HEBP2: variants seen among roughly 807,000 people sequenced by gnomAD.
HEBP2 encodes the protein heme binding protein 2, also known as heme-binding protein 2.
In HEBP2, 27 loss-of-function variants were observed where a neutral mutation model predicts 23.1. The ratio of observed to expected loss-of-function variants is 1.17; its 90% confidence interval spans 0.86 to 1.61. The LOEUF is 1.61. Among genes scored for constraint, HEBP2 ranks in the 40% most tolerant of loss-of-function variants. The pLI is 0.00. For missense variants in HEBP2, 245 were observed against 253.8 expected, an observed-to-expected ratio of 0.97 and a Z score of 0.24; for synonymous variants, 99 against 95.1, an observed-to-expected ratio of 1.04 and a Z score of -0.24.
chr6:138,403,654 T>C (rs772463768), upstream of HEBP2: 58 of 431,756 alleles, frequency 1.3e-4, 1 homozygote, highest in Non-Finnish European at 2.2e-4. Flanking sequence ...GGAAAGGGGG[T>C]GCTGGGGAAC....
Position 138,413,283 on chromosome 6 carries a change from A to G in HEBP2, c.*205A>G. The G allele has an allele frequency of 1.9e-6, 1 of 518,598 alleles. No individual in the cohort carries two copies. Among genetic ancestry groups the G allele is most frequent in the South Asian group, 2.6e-5 (1 of 39,130 alleles). 32.1% of individuals were successfully genotyped at this position (518,598 alleles called of 1,614,324 possible). ...AGGACAGTAGTCTGTAAACATATAA[A>G]TCGGTCATAACTATCGTGGTCTTTA... On this transcript the variant is annotated 3_prime_UTR_variant, in exon 4 of 4. Transcript: ENST00000607197.
At chr6:138,411,510 T>C (rs1774744201) in intron 3 of HEBP2, among the ~76,000 whole-genome samples, 1 of 152,200 alleles carries the variant, frequency 6.6e-6, no homozygotes, top group Non-Finnish European at 1.5e-5. Context: ...AAACACTTGG[T>C]ATTTTTAGAT....
In HEBP2 at chr6:138,419,697, T is replaced by G. The variant is rs1429856862; in HGVS notation, c.*6619T>G. The G allele has an allele frequency of 2.0e-5, 3 of 152,180 alleles. No individual in the cohort carries two copies. Among genetic ancestry groups the G allele is most frequent in the Non-Finnish European group, 4.4e-5 (3 of 68,040 alleles). The allele number at this position is 152,180 out of a possible 1,614,324, so 9.4% of individuals were successfully genotyped here. A position where few individuals can be genotyped will look rare whatever the true frequency, so the allele number is the denominator to read the frequency against. ...GAATCAGAAAGCCTGTATGATGCTG[T>G]GTCTACAACAGGAATATATAGATTT... On this transcript the variant is annotated 3_prime_UTR_variant, in exon 4 of 4. Coordinates refer to ENST00000607197, the MANE Select transcript of HEBP2 (RefSeq NM_014320.3).
At chr6:138,404,716 A>G (rs920144288) in intron 1 of HEBP2, 119 bp downstream of exon 1, 2 of 588,720 alleles carry the variant, frequency 3.4e-6, no homozygotes, top group Admixed American at 4.3e-5. Context: ...CCCAGTCCCT[A>G]CCCACTATGC....
At position 138,404,495 on chromosome 6, in the gene HEBP2, C is replaced by T; in HGVS notation, c.-1C>T. On this transcript the variant is annotated 5_prime_UTR_variant, in exon 1 of 4. Coordinates refer to ENST00000607197, the MANE Select transcript of HEBP2 (RefSeq NM_014320.3). ...AGGCTCCCAGAGCGTCAGCGCCGCC[C>T]ATGGCCGAGCCGCTCCAGCCAGACC... The T allele has an allele frequency of 7.8e-7, 1 of 1,284,682 alleles. No homozygotes were observed. The allele number at this position is 1,284,682 out of a possible 1,614,324, so 79.6% of individuals were successfully genotyped here.
chr6:138,413,183 T>A lies in HEBP2; in HGVS notation c.*105T>A. ...CGTGTCTAGTGTCTTCTATTGAGAG[T>A]ACTACTATTAATTAAGCTTATTTCC... is the stretch of plus-strand genomic sequence containing the variant. On this transcript the variant is annotated 3_prime_UTR_variant, in exon 4 of 4. Coordinates refer to ENST00000607197, the MANE Select transcript of HEBP2 (RefSeq NM_014320.3). 1.2e-6 allele frequency: 1 copy of A among 810,488 alleles called. No individual in the cohort carries two copies. The highest frequency in any genetic ancestry group is 2.0e-6 in the Non-Finnish European group (1 of 500,770). The allele number at this position is 810,488 out of a possible 1,614,324, so 50.2% of individuals were successfully genotyped here.
At position 138,417,295 on chromosome 6, in the gene HEBP2, A is replaced by G. The variant is rs1483341459; in HGVS notation, c.*4217A>G. 1 of 152,078 alleles carries G rather than the reference A, an allele frequency of 6.6e-6. No individual in the cohort carries two copies. The highest frequency in any genetic ancestry group is 2.4e-5 in the African/African-American group (1 of 41,398). The allele number at this position is 152,078 out of a possible 1,614,324, so 9.4% of individuals were successfully genotyped here. Reference sequence around the variant, plus strand: ...GTTCCTTGACCTGTGGGGAAAGAGTATAAGCTTCTAAACTCCCTCTCCTCC... The same window carrying G: ...GTTCCTTGACCTGTGGGGAAAGAGTGTAAGCTTCTAAACTCCCTCTCCTCC... On this transcript the variant is annotated 3_prime_UTR_variant, in exon 4 of 4. Transcript: ENST00000607197.
intron 3 of HEBP2, among the ~76,000 whole-genome samples, chr6:138,407,355 G>GA (rs1260925647): frequency 6.6e-6 from 1 of 152,152 alleles, no homozygotes; most frequent in East Asian, 1.9e-4. Context: ...GAAGAAATGG[G>GA]AAAAAAGAAA....
At chr6:138,403,549 C>A, upstream of HEBP2, 1 of 480,660 alleles carries the variant, frequency 2.1e-6, no homozygotes, top group South Asian at 3.5e-5. Context: ...AGCCTCGGAG[C>A]TCTGGCTGCC....
At position 138,413,210 on chromosome 6, in the gene HEBP2, A is replaced by G. The variant is rs1228592313; in HGVS notation, c.*132A>G. On this transcript the variant is annotated 3_prime_UTR_variant, in exon 4 of 4. Transcript: ENST00000607197. The stretch of plus-strand genomic sequence containing the variant: ...CTACTATTAATTAAGCTTATTTCCA[A>G]TGTGCCTTTTTAATGCTTGAAGTTT... The G allele has an allele frequency of 4.3e-6, 3 of 692,824 alleles. No individual in the cohort carries two copies. Among genetic ancestry groups the G allele is most frequent in the Non-Finnish European group, 4.9e-6 (2 of 410,756 alleles). 42.9% of individuals were successfully genotyped at this position (692,824 alleles called of 1,614,324 possible).
chr6:138,405,431 A>C, intron 2 of HEBP2, 151 bp downstream of exon 2: 2 of 963,850 alleles, frequency 2.1e-6, no homozygotes, highest in Non-Finnish European at 3.1e-6. Context: ...ACTCCTCAGG[A>C]CCAGGGTTAC....
chr6:138,412,185 G>A (rs1774758095), intron 3 of HEBP2: 1 of 371,428 alleles, frequency 2.7e-6, no homozygotes, highest in Non-Finnish European at 5.2e-6. Context: ...CGGCATGGAT[G>A]TGGGAGCTCG....
chr6:138,412,808 CG>C lies in HEBP2; in HGVS notation c.420-71del, dbSNP rs1562241122. 3.0e-6 allele frequency: 4 copies of C among 1,344,220 alleles called. No homozygotes were observed. In the African/African-American group the frequency reaches 5.8e-5, roughly 19 times the overall value. 83.3% of individuals were successfully genotyped at this position (1,344,220 alleles called of 1,614,324 possible). A position where few individuals can be genotyped will look rare whatever the true frequency, so the allele number is the denominator to read the frequency against. ...ACTCAGCATTCACGGTACTAGCGCC[CG>C]CTTTTTGCTTCAGACTGACATTCAC... On this transcript the variant is annotated intron_variant, in intron 3 of 3. Coordinates refer to ENST00000607197, the MANE Select transcript of HEBP2 (RefSeq NM_014320.3).
rs2274659 is a variant in HEBP2 at position 138,404,540 on chromosome 6, G to A, written c.45G>A (p.Ala15=). Residue 15 remains alanine, a synonymous_variant, in exon 1 of 4, where the codon GCG becomes GCA. Coordinates refer to ENST00000607197, the MANE Select transcript of HEBP2 (RefSeq NM_014320.3). ...CAGACCCCGGGGCGGCCGAGGACGC[G>A]GCGGCCCAAGCTGTGGAGACGCCGG... ...LQPDPGAAED[A]AAQAVETPGW... The A allele has an allele frequency of 0.08, 103,995 of 1,303,306 alleles. 8,633 individuals are homozygous for A. The highest frequency in any genetic ancestry group is 0.43 in the African/African-American group (27,697 of 64,872). The allele number at this position is 1,303,306 out of a possible 1,614,324, so 80.7% of individuals were successfully genotyped here.
chr6:138,419,511 A>G lies in HEBP2; in HGVS notation c.*6433A>G, dbSNP rs1774886388. Reference sequence around the variant, plus strand: ...TATACATGTTAACACCCAATCAGGGAGAGTTCGCCAGCGGTCATAGGATCC... The same window carrying G: ...TATACATGTTAACACCCAATCAGGGGGAGTTCGCCAGCGGTCATAGGATCC... On this transcript the variant is annotated 3_prime_UTR_variant, in exon 4 of 4. Transcript: ENST00000607197. 1 of 152,092 alleles carries G rather than the reference A, an allele frequency of 6.6e-6. No homozygotes were observed. Among genetic ancestry groups the G allele is most frequent in the African/African-American group, 2.4e-5 (1 of 41,386 alleles). The allele number at this position is 152,092 out of a possible 1,614,324, so 9.4% of individuals were successfully genotyped here.
rs1179890039 is a variant in HEBP2, at chr6:138,409,133, C to A, written c.419+2982C>A. 3.9e-5 allele frequency among the ~76,000 whole-genome samples: 6 copies of A among 152,096 alleles called. No homozygotes were observed. In the East Asian group the frequency reaches 1.2e-3, roughly 29 times the overall value. On this transcript the variant is annotated intron_variant, in intron 3 of 3. Transcript: ENST00000607197. ...CCTGGAACATCTGGGCTCAAGGGAT[C>A]CTCCCACTTCAGCCTCCTGAGTAGC...
chr6:138,417,086 CAA>C lies in HEBP2; in HGVS notation c.*4010_*4011del, dbSNP rs900515351. 1 of 152,140 alleles carries C rather than the reference CAA, an allele frequency of 6.6e-6. No homozygotes were observed. Among genetic ancestry groups the C allele is most frequent in the African/African-American group, 2.4e-5 (1 of 41,424 alleles). The allele number at this position is 152,140 out of a possible 1,614,324, so 9.4% of individuals were successfully genotyped here. A position where few individuals can be genotyped will look rare whatever the true frequency, so the allele number is the denominator to read the frequency against. On this transcript the variant is annotated 3_prime_UTR_variant, in exon 4 of 4. Coordinates refer to ENST00000607197, the MANE Select transcript of HEBP2 (RefSeq NM_014320.3). ...AGTTAACGTCTGATACCCAGAAACC[CAA>C]AGAGTCATTACAGTTCCTCCTCCTC...
chr6:138,404,436 C>T lies in HEBP2; in HGVS notation c.-60C>T. 9.0e-7 allele frequency: 1 copy of T among 1,111,876 alleles called. No individual in the cohort carries two copies. Among genetic ancestry groups the T allele is most frequent in the Non-Finnish European group, 1.1e-6 (1 of 884,404 alleles). The allele number at this position is 1,111,876 out of a possible 1,614,324, so 68.9% of individuals were successfully genotyped here. A position where few individuals can be genotyped will look rare whatever the true frequency, so the allele number is the denominator to read the frequency against. On this transcript the variant is annotated 5_prime_UTR_variant, in exon 1 of 4. Coordinates refer to ENST00000607197, the MANE Select transcript of HEBP2 (RefSeq NM_014320.3). ...GCGGGGCGCGCACACGCAGGCGGGGCGGCCCGGGGTGCGGGGCCTCTGCGC... is the reference window on the plus strand; with the variant it reads ...GCGGGGCGCGCACACGCAGGCGGGGTGGCCCGGGGTGCGGGGCCTCTGCGC...
rs958587162 is a variant in HEBP2, at chr6:138,417,952, C to T, written c.*4874C>T. On this transcript the variant is annotated 3_prime_UTR_variant, in exon 4 of 4. Coordinates refer to ENST00000607197, the MANE Select transcript of HEBP2 (RefSeq NM_014320.3). ...TGCCTTAGTACTGAGGTCAAATTGT[C>T]CCTAGACCAAAGGCTTCTTTGGACT... 9.2e-5 allele frequency: 14 copies of T among 152,136 alleles called. No homozygotes were observed. The highest frequency in any genetic ancestry group is 1.5e-4 in the Non-Finnish European group (10 of 68,032). The allele number at this position is 152,136 out of a possible 1,614,324, so 9.4% of individuals were successfully genotyped here. A position where few individuals can be genotyped will look rare whatever the true frequency, so the allele number is the denominator to read the frequency against.
Sources: gnomAD v4.1 joint callset for allele counts (sites outside exome capture counted in the v4.1 genomes callset) on GRCh38, gnomAD v4.1.1 for gene constraint, MANE v1.5 for transcripts, NCBI Gene and HGNC (gene_info 2026-07-23, HGNC 2026-07-21) for gene names.